MKX: variants seen among roughly 807,000 people sequenced by gnomAD.
MKX encodes mohawk homeobox, also known as homeobox protein Mohawk.
MKX carries 13 observed loss-of-function variants against 36.0 expected under a neutral mutation model. The ratio of observed to expected loss-of-function variants is 0.36; its 90% CI spans 0.24 to 0.57. MKX has a LOEUF of 0.57. MKX is among the 20% of genes least tolerant of loss of function. MKX has a pLI of 0.79. For missense variants in MKX, 458 were observed against 456.4 expected (o/e 1.00, Z -0.03); for synonymous variants, 176 against 178.3 (o/e 0.99, Z 0.10).
chr10:27,727,719 G>A (rs1834522653), intron 5 of MKX, among the ~76,000 whole-genome samples: 1 of 152,208 alleles, frequency 6.6e-6, no homozygotes, highest in Non-Finnish European at 1.5e-5. Context: ...AGGCTGTCAG[G>A]AAGACAAGGC....
chr10:27,734,975 G>T (rs889611951), intron 4 of MKX, among the ~76,000 whole-genome samples, 184 bp from the exon 5 acceptor site: 1 of 151,982 alleles, frequency 6.6e-6, no homozygotes, highest in African/African-American at 2.4e-5. Flanking sequence ...CTCGCTTATG[G>T]TATTTTAATT....
intron 5 of MKX, among the ~76,000 whole-genome samples, chr10:27,699,213 A>C (rs976705476): frequency 2.0e-5 from 3 of 152,210 alleles, no homozygotes; most frequent in African/African-American, 7.2e-5. Context: ...ATCTCTACTA[A>C]TCCATCTTTT....
At chr10:27,703,622 G>C (rs949211917) in intron 5 of MKX, among the ~76,000 whole-genome samples, 5 of 152,152 alleles carry the variant, frequency 3.3e-5, no homozygotes, top group Non-Finnish European at 7.3e-5. Flanking sequence ...AAGTTGGCAG[G>C]GCTTGGTGGC....
At chr10:27,705,592 C>T (rs534627464) in intron 5 of MKX, among the ~76,000 whole-genome samples, 1 of 152,162 alleles carries the variant, frequency 6.6e-6, no homozygotes, top group African/African-American at 2.4e-5. Context: ...TGGCCCCAAG[C>T]AATCCTATCA....
At chr10:27,737,292 C>T (rs117902537) in intron 3 of MKX, among the ~76,000 whole-genome samples, 3 of 152,248 alleles carry the variant, frequency 2.0e-5, no homozygotes, top group Non-Finnish European at 4.4e-5. Context: ...CCCTGTCTTC[C>T]ATTCTGTTCT....
intron 5 of MKX, among the ~76,000 whole-genome samples, chr10:27,700,687 G>A (rs1163283839): frequency 1.3e-5 from 2 of 152,050 alleles, no homozygotes; most frequent in Non-Finnish European, 2.9e-5. Flanking sequence ...ACTCCCTAGT[G>A]ATCGATCAAT....
chr10:27,710,270 A>C (rs560856680), intron 5 of MKX, among the ~76,000 whole-genome samples: 112 of 152,338 alleles, frequency 7.4e-4, no homozygotes, highest in African/African-American at 2.5e-3. Context: ...ATTGTCCTGC[A>C]ATGAAAAAGT....
chr10:27,693,680 A>G (rs2246903), intron 5 of MKX, among the ~76,000 whole-genome samples: 116,679 of 152,132 alleles, frequency 0.77, 45,022 homozygotes, highest in Admixed American at 0.83. Flanking sequence ...TAAATAAAAA[A>G]GAAAACATAT....
At chr10:27,696,271 A>G (rs1213411849) in intron 5 of MKX, among the ~76,000 whole-genome samples, 1 of 152,172 alleles carries the variant, frequency 6.6e-6, no homozygotes, top group Non-Finnish European at 1.5e-5. Context: ...TGTGAAATAG[A>G]TATAAGAGTA....
intron 3 of MKX, among the ~76,000 whole-genome samples, chr10:27,740,141 A>G (rs1478713405): frequency 6.6e-6 from 1 of 152,258 alleles, no homozygotes; most frequent in East Asian, 1.9e-4. Flanking sequence ...TGATAGCCTG[A>G]CAATAAGTCA....
chr10:27,713,565 G>A (rs1245638244), intron 5 of MKX, among the ~76,000 whole-genome samples: 2 of 152,148 alleles, frequency 1.3e-5, no homozygotes, highest in African/African-American at 4.8e-5. Context: ...CTGCCATTAA[G>A]TAGCTGTGCA....
At chr10:27,683,973 T>C (rs1171954590) in intron 5 of MKX, among the ~76,000 whole-genome samples, 5 of 152,192 alleles carry the variant, frequency 3.3e-5, no homozygotes, top group African/African-American at 9.7e-5. Flanking sequence ...TCCATACCCA[T>C]CTACAAATTG....
intron 5 of MKX, among the ~76,000 whole-genome samples, chr10:27,699,082 T>G (rs1229224044): frequency 6.6e-6 from 1 of 152,182 alleles, no homozygotes; most frequent in Admixed American, 6.5e-5. Flanking sequence ...GAAAGAAATG[T>G]ACACCCAAAG....
chr10:27,719,978 CA>C (rs201683975), intron 5 of MKX, among the ~76,000 whole-genome samples: 4,126 of 84,516 alleles, frequency 0.049, 150 homozygotes, highest in African/African-American at 0.13. Context: ...AACAGAGTCT[CA>C]AAAAAAAAAA....
chr10:27,708,931 G>C (rs930545414), intron 5 of MKX, among the ~76,000 whole-genome samples: 1 of 152,178 alleles, frequency 6.6e-6, no homozygotes, highest in African/African-American at 2.4e-5. Context: ...CACTTTGGGA[G>C]GCTGAGGCAG....
At chr10:27,729,972 A>C (rs1834588331) in intron 5 of MKX, among the ~76,000 whole-genome samples, 1 of 152,062 alleles carries the variant, frequency 6.6e-6, no homozygotes, top group African/African-American at 2.4e-5. Context: ...AGAGCAGACC[A>C]CCTGGGGGCT....
chr10:27,734,448 G>A lies in MKX; in HGVS notation c.838+8C>T, dbSNP rs758914580. On this transcript the variant is annotated splice_region_variant and intron_variant, in intron 5 of 6. Transcript: ENST00000419761. ...TCGCAGGAATTACTACAGAAAGCAC[G>A]GACTTACCTGTGCGATAGACAAAGT... The A allele has an allele frequency of 7.5e-6, 12 of 1,609,700 alleles. No homozygotes were observed. Among genetic ancestry groups the A allele is most frequent in the East Asian group, 6.7e-5 (3 of 44,876 alleles).
chr10:27,733,336 A>G (rs1385804642), intron 5 of MKX, among the ~76,000 whole-genome samples: 1 of 152,196 alleles, frequency 6.6e-6, no homozygotes, highest in Non-Finnish European at 1.5e-5. Context: ...TAGATTTCTT[A>G]ATAAAGCCCT....
At chr10:27,716,859 T>G (rs756271741) in intron 5 of MKX, among the ~76,000 whole-genome samples, 4 of 152,162 alleles carry the variant, frequency 2.6e-5, no homozygotes, top group Non-Finnish European at 4.4e-5. Flanking sequence ...TTACGTTCCA[T>G]GTTAAAAGGA....
Sources: allele counts gnomAD v4.1 joint callset (sites outside exome capture counted in the v4.1 genomes callset), GRCh38; gene constraint gnomAD v4.1.1; transcripts MANE v1.5; gene names NCBI Gene and HGNC (gene_info 2026-07-23, HGNC 2026-07-21).